VGLL4: variants seen among roughly 807,000 people sequenced by gnomAD.
VGLL4 encodes the protein vestigial like family member 4, also known as transcription cofactor vestigial-like protein 4.
VGLL4 carries 7 observed loss-of-function variants against 21.0 expected under a neutral mutation model. That is an observed-to-expected ratio of 0.33 (90% CI 0.19 to 0.63). The LOEUF is 0.63. Among genes scored for constraint, VGLL4 ranks in the 20% least tolerant of loss-of-function variants. VGLL4 has a pLI of 0.78. For synonymous variants in VGLL4, 222 were observed against 173.2 expected (o/e 1.28, Z -2.21); for missense variants, 394 against 425.7 (o/e 0.93, Z 0.66).
At chr3:11,721,397 C>G (rs934841550), upstream of VGLL4, 15 of 152,242 alleles carry the variant, frequency 9.9e-5, no homozygotes, top group African/African-American at 3.6e-4. Flanking sequence ...AACTTGGGGC[C>G]CCTTGTGAAA....
rs554617076 is a variant in VGLL4, at chr3:11,703,445, C to A, written c.-13-398G>T. ...CATCACTACCAGTGAGGTGGTGCAG[C>A]TTAACACACGCCACGTACTCATGGA... On this transcript the variant is annotated intron_variant, in intron 1 of 5. Coordinates refer to the VGLL4 transcript ENST00000273038. 2.6e-5 allele frequency among the ~76,000 whole-genome samples: 4 copies of A among 152,310 alleles called. No homozygotes were observed. In the South Asian group the frequency reaches 8.3e-4, roughly 32 times the overall value.
chr3:11,664,185 C>T (rs964981700), intron 2 of VGLL4, among the ~76,000 whole-genome samples: 1 of 152,144 alleles, frequency 6.6e-6, no homozygotes, highest in African/African-American at 2.4e-5. Flanking sequence ...TTGCAGTGAG[C>T]CCAGATCGCA....
At chr3:11,666,242 G>A (rs1405505489) in intron 2 of VGLL4, among the ~76,000 whole-genome samples, 2 of 142,522 alleles carry the variant, frequency 1.4e-5, no homozygotes, top group Non-Finnish European at 3.0e-5. Context: ...GAGCGAGACT[G>A]CGCCTCAAAA....
At chr3:11,706,900 T>C (rs1325707929) in intron 1 of VGLL4, among the ~76,000 whole-genome samples, 1 of 152,118 alleles carries the variant, frequency 6.6e-6, no homozygotes, top group Non-Finnish European at 1.5e-5. Context: ...CTGATGCGGG[T>C]GGCCTTAGGA....
chr3:11,557,715 C>G lies in VGLL4; in HGVS notation c.*841G>C, dbSNP rs1411824367. The G allele has an allele frequency of 2.0e-5, 3 of 152,670 alleles. No homozygotes were observed. Among genetic ancestry groups the G allele is most frequent in the Non-Finnish European group, 4.4e-5 (3 of 68,022 alleles). The allele number at this position is 152,670 out of a possible 1,614,324, so 9.5% of individuals were successfully genotyped here. The stretch of plus-strand genomic sequence containing the variant: ...TTACTGTCTATATAATTAATAGAAA[C>G]CAGCTATTTTTTCTCCATTAAAACA... On this transcript the variant is annotated 3_prime_UTR_variant, in exon 5 of 5. Transcript: ENST00000430365.
chr3:11,636,677 A>T (rs2075593461), intron 1 of VGLL4, among the ~76,000 whole-genome samples: 1 of 152,202 alleles, frequency 6.6e-6, no homozygotes, highest in Non-Finnish European at 1.5e-5. Context: ...TAAGCTATGT[A>T]TCTCCGGAAG....
chr3:11,683,576 A>G (rs2076405084), intron 2 of VGLL4, among the ~76,000 whole-genome samples: 1 of 152,212 alleles, frequency 6.6e-6, no homozygotes, highest in South Asian at 2.1e-4. Flanking sequence ...ATGCGATGTG[A>G]TAACCTGAGG....
In VGLL4 at chr3:11,602,039, G is replaced by T; in HGVS notation, c.83-17C>A. 1.3e-6 allele frequency: 2 copies of T among 1,520,100 alleles called. No homozygotes were observed. The highest frequency in any genetic ancestry group is 1.8e-6 in the Non-Finnish European group (2 of 1,139,376). The allele number at this position is 1,520,100 out of a possible 1,614,324, so 94.2% of individuals were successfully genotyped here. ...CAGCTTCGCCTACGCAGAGAGAGAT[G>T]ATGTAGTCACTAAGCAGGAGAAAGG... On this transcript the variant is annotated splice_polypyrimidine_tract_variant and intron_variant, in intron 1 of 4. Coordinates refer to ENST00000430365, the MANE Select transcript of VGLL4 (RefSeq NM_001128219.3).
At chr3:11,597,574 T>C (rs1365254015) in intron 2 of VGLL4, among the ~76,000 whole-genome samples, 1 of 152,184 alleles carries the variant, frequency 6.6e-6, no homozygotes, top group Non-Finnish European at 1.5e-5. Context: ...GTCAAAGAAC[T>C]GAAGCCCACC....
rs2125152750 is a variant in VGLL4 at position 11,568,757 on chromosome 3, A to G, written c.273-3738T>C. On this transcript the variant is annotated intron_variant, in intron 2 of 4. Transcript: ENST00000430365. The surrounding 1 kb of genome is among the most constrained non-coding windows in gnomAD (Gnocchi z 5.9). ...AAACCGCACGCATCCTGCCCGGGAGATGGAAGTCGCCTCCGCTCCTGGTCA... is the reference window on the plus strand; with the variant it reads ...AAACCGCACGCATCCTGCCCGGGAGGTGGAAGTCGCCTCCGCTCCTGGTCA... The G allele has an allele frequency of 6.6e-7, 1 of 1,508,660 alleles. No individual in the cohort carries two copies. Among genetic ancestry groups the G allele is most frequent in the East Asian group, 2.5e-5 (1 of 40,272 alleles). The allele number at this position is 1,508,660 out of a possible 1,614,324, so 93.5% of individuals were successfully genotyped here.
At chr3:11,609,664 C>G (rs946122992) in intron 1 of VGLL4, among the ~76,000 whole-genome samples, 1 of 152,204 alleles carries the variant, frequency 6.6e-6, no homozygotes, top group African/African-American at 2.4e-5. Flanking sequence ...GATAAGGCGG[C>G]GTTAGCAATG....
chr3:11,697,430 C>T (rs2076620959), intron 2 of VGLL4, among the ~76,000 whole-genome samples: 1 of 152,078 alleles, frequency 6.6e-6, no homozygotes, highest in Non-Finnish European at 1.5e-5. Context: ...TACTGTGTGC[C>T]ACAGTCAACC....
At chr3:11,580,343 G>C (rs2074190191) in intron 2 of VGLL4, among the ~76,000 whole-genome samples, 1 of 152,204 alleles carries the variant, frequency 6.6e-6, no homozygotes. Context: ...TTTTAAGGCT[G>C]AGTAATATTC....
chr3:11,574,664 A>G (rs1294873056), intron 2 of VGLL4, among the ~76,000 whole-genome samples: 1 of 152,190 alleles, frequency 6.6e-6, no homozygotes, highest in African/African-American at 2.4e-5. Context: ...TTCCCAGCAC[A>G]AAGAAACGAT....
At position 11,615,916 on chromosome 3, in the gene VGLL4, C is replaced by T. The variant is rs1413541821; in HGVS notation, c.83-13894G>A. Among the ~76,000 whole-genome samples, 3 of 152,322 alleles carry T rather than the reference C, an allele frequency of 2.0e-5. No homozygotes were observed. The East Asian group carries it at 5.8e-4, about 29-fold the overall frequency. The stretch of plus-strand genomic sequence containing the variant: ...GAATAAGGGACCTGTATGGTTCAGG[C>T]AAATAAAAGCTATTAGGCCAATCTG... On this transcript the variant is annotated intron_variant, in intron 1 of 4. Coordinates refer to ENST00000430365, the MANE Select transcript of VGLL4 (RefSeq NM_001128219.3).
At chr3:11,701,031 T>C (rs759163524) in intron 2 of VGLL4, among the ~76,000 whole-genome samples, 1 of 152,100 alleles carries the variant, frequency 6.6e-6, no homozygotes, top group Non-Finnish European at 1.5e-5. Flanking sequence ...AATGATGATC[T>C]TGTAGGGGTG....
rs746300153 is a variant in VGLL4, at chr3:11,558,789, G to A, written c.658C>T (p.Arg220Cys). Reference protein sequence around the residue: ...TCDPVVEEHFRRSLGKNYKEP... With the variant: ...TCDPVVEEHFCRSLGKNYKEP... Reference sequence around the variant, plus strand: ...TTGTAATTCTTGCCCAGGCTCCTGCGGAAATGCTCCTCCACCACGGGGTCA... The same window carrying A: ...TTGTAATTCTTGCCCAGGCTCCTGCAGAAATGCTCCTCCACCACGGGGTCA... The change falls in exon 5 of 5, where the codon CGC becomes TGC. Residue 220 changes from arginine to cysteine, a missense_variant. Coordinates refer to ENST00000430365, the MANE Select transcript of VGLL4 (RefSeq NM_001128219.3). 7 of 1,613,830 alleles carry A rather than the reference G, an allele frequency of 4.3e-6. No homozygotes were observed. Among genetic ancestry groups the A allele is most frequent in the East Asian group, 2.2e-5 (1 of 44,866 alleles).
chr3:11,567,643 C>T (rs1033423501), intron 2 of VGLL4, among the ~76,000 whole-genome samples: 2 of 152,272 alleles, frequency 1.3e-5, no homozygotes, highest in South Asian at 2.1e-4. Context: ...CAATGAATGC[C>T]TCAAGGGTTA....
At chr3:11,581,704 AGTG>A (rs1465837136) in intron 2 of VGLL4, among the ~76,000 whole-genome samples, 2 of 152,228 alleles carry the variant, frequency 1.3e-5, no homozygotes, top group African/African-American at 2.4e-5. Context: ...CATGGAGAGA[AGTG>A]GTCAAATAGC....
Sources: gnomAD v4.1 joint callset for allele counts (sites outside exome capture counted in the v4.1 genomes callset) on GRCh38, gnomAD v4.1.1 for gene constraint, Gnocchi (gnomAD v3.1) non-coding constraint, MANE v1.5 for transcripts, NCBI Gene and HGNC (gene_info 2026-07-23, HGNC 2026-07-21) for gene names.